Variants in SYT1 observed in about 807,000 individuals in gnomAD.
SYT1 encodes the protein synaptotagmin-1.
Under a neutral mutation model 44.8 loss-of-function variants are expected in SYT1, and 8 were observed. The ratio of observed to expected loss-of-function variants is 0.18; its 90% confidence interval spans 0.10 to 0.32. The LOEUF is 0.32. SYT1 is among the 10% of genes least tolerant of loss of function. The pLI, the probability that SYT1 is intolerant of heterozygous loss-of-function variation, is 1.00. For synonymous variants in SYT1, 154 were observed against 188.8 expected (o/e 0.82, Z 1.51); for missense variants, 286 against 509.3 (o/e 0.56, Z 4.22).
In SYT1 at chr12:79,178,929, T is replaced by G. The variant is rs56047959; in HGVS notation, c.-17-38574T>G. 1.2e-4 allele frequency among the ~76,000 whole-genome samples: 10 copies of G among 86,834 alleles called. 1 individual carries two copies. The East Asian group carries it at 1.9e-3, about 17-fold the overall frequency. The allele number at this position is 86,834 out of a possible 152,430, so 57.0% of individuals were successfully genotyped here. ...ACACCCAGATATAGATATAGATATA[T>G]CTATATAGATATAGATATAGATATA... On this transcript the variant is annotated intron_variant, in intron 3 of 10. Transcript: ENST00000261205.
chr12:78,958,252 AT>A (rs1192873860), intron 1 of SYT1, among the ~76,000 whole-genome samples: 2 of 152,302 alleles, frequency 1.3e-5, no homozygotes, highest in Non-Finnish European at 2.9e-5. Flanking sequence ...AACACTTCAA[AT>A]TTCTTTTTAA....
At chr12:78,869,182 C>T (rs970311366) in intron 1 of SYT1, among the ~76,000 whole-genome samples, 11 of 151,638 alleles carry the variant, frequency 7.3e-5, no homozygotes, top group Non-Finnish European at 3.0e-5. Context: ...TAAGTGTTTC[C>T]ATTTCCTTAA....
chr12:79,228,081 TTCCCTTTAGCCTACAC>T (rs1875634735), intron 4 of SYT1, among the ~76,000 whole-genome samples: 1 of 151,168 alleles, frequency 6.6e-6, no homozygotes, highest in Non-Finnish European at 1.5e-5. Context: ...CTCTCCTTCA[TTCCCTTTAGCCTACAC>T]ACATGCTCAA....
chr12:78,970,717 G>T (rs1868353343), intron 1 of SYT1, among the ~76,000 whole-genome samples: 1 of 152,006 alleles, frequency 6.6e-6, no homozygotes, highest in South Asian at 2.1e-4. Flanking sequence ...TATAAATCAG[G>T]TTTGCAGATC....
intron 9 of SYT1, among the ~76,000 whole-genome samples, chr12:79,364,540 T>A (rs1883460380): frequency 6.6e-6 from 1 of 152,184 alleles, no homozygotes; most frequent in African/African-American, 2.4e-5. Context: ...TTGCGGTACA[T>A]CATTTTCAAT....
intron 4 of SYT1, among the ~76,000 whole-genome samples, chr12:79,223,077 T>A (rs1000842297): frequency 6.6e-6 from 1 of 152,242 alleles, no homozygotes; most frequent in African/African-American, 2.4e-5. Flanking sequence ...TTATTTGGAA[T>A]TATTTGTCAG....
At chr12:78,950,451 G>A (rs773955775) in intron 1 of SYT1, among the ~76,000 whole-genome samples, 1 of 151,922 alleles carries the variant, frequency 6.6e-6, no homozygotes, top group Non-Finnish European at 1.5e-5. Flanking sequence ...TGATATGAGG[G>A]GACCAGTTTC....
chr12:79,247,497 A>C (rs184575872), intron 4 of SYT1, among the ~76,000 whole-genome samples: 29 of 152,322 alleles, frequency 1.9e-4, no homozygotes, highest in Admixed American at 1.8e-3. Context: ...ATTCTTCCTC[A>C]TGAGAGAAAC....
rs1555216036 is a variant in SYT1 at position 79,308,551 on chromosome 12, A to AG, written c.810+9000_810+9001insG. ...AAGAAATAAAGAAAGAAAGAAAGAA[A>AG]AAAGAAAGAAAGGAAAAGAAAGAAA... On this transcript the variant is annotated intron_variant, in intron 8 of 10. Transcript: ENST00000261205. 6.1e-3 allele frequency among the ~76,000 whole-genome samples: 901 copies of AG among 148,730 alleles called. 18 individuals carry two copies. The highest frequency in any genetic ancestry group is 0.022 in the African/African-American group (852 of 38,718).
chr12:79,028,721 T>A (rs1872668945), intron 2 of SYT1, among the ~76,000 whole-genome samples: 1 of 151,390 alleles, frequency 6.6e-6, no homozygotes, highest in South Asian at 2.1e-4. Context: ...CCTGTTTTTC[T>A]GGATGTGGTA....
In SYT1 at chr12:79,271,328, G is replaced by A. The variant is rs367602505; in HGVS notation, c.167-14459G>A. ...AAGAAATAATGACGTTTTTCCATCC[G>A]AGAGTTATATTTTTATTGTAGAAAG... On this transcript the variant is annotated intron_variant, in intron 4 of 10. Transcript: ENST00000261205. 2.3e-4 allele frequency among the ~76,000 whole-genome samples: 35 copies of A among 152,122 alleles called. 1 individual carries two copies. Among genetic ancestry groups the A allele is most frequent in the Middle Eastern group, 3.4e-3 (1 of 294 alleles).
In SYT1 at chr12:79,364,255, G is replaced by A. The variant is rs189106227; in HGVS notation, c.928+10636G>A. Among the ~76,000 whole-genome samples the A allele has an allele frequency of 4.3e-3, 575 of 134,140 alleles. 3 individuals carry two copies. The highest frequency in any genetic ancestry group is 0.016 in the African/African-American group (547 of 34,872). 88.0% of individuals were successfully genotyped at this position (134,140 alleles called of 152,430 possible). A position where few individuals can be genotyped will look rare whatever the true frequency, so the allele number is the denominator to read the frequency against. On this transcript the variant is annotated intron_variant, in intron 9 of 10. Coordinates refer to ENST00000261205, the MANE Select transcript of SYT1 (RefSeq NM_005639.3). ...TCCCCACCCCCTTTAATGGTTAAAC[G>A]AAAGAAAAACAGACTATCTCCAAGA...
At chr12:79,216,929 G>A (rs1375271452) in intron 3 of SYT1, among the ~76,000 whole-genome samples, 4 of 151,974 alleles carry the variant, frequency 2.6e-5, no homozygotes, top group African/African-American at 9.7e-5. Flanking sequence ...AGTGACTGGG[G>A]TGAAAACTTA....
chr12:79,298,113 C>T (rs1029651869), intron 7 of SYT1, among the ~76,000 whole-genome samples: 4 of 152,066 alleles, frequency 2.6e-5, no homozygotes, highest in African/African-American at 9.7e-5. Flanking sequence ...GTCTGTCTGA[C>T]CCCAAGTCCA....
At chr12:78,965,486 C>G (rs1453406061) in intron 1 of SYT1, among the ~76,000 whole-genome samples, 1 of 152,172 alleles carries the variant, frequency 6.6e-6, no homozygotes, top group Non-Finnish European at 1.5e-5. Context: ...AAGTTCAAAT[C>G]AAATACATGT....
chr12:78,898,861 A>C (rs540565405), intron 1 of SYT1, among the ~76,000 whole-genome samples: 6 of 152,268 alleles, frequency 3.9e-5, no homozygotes, highest in African/African-American at 1.4e-4. Flanking sequence ...GTGCATTTGA[A>C]ATGGATACTT....
Position 79,292,016 on chromosome 12 carries a change from G to A in SYT1, c.360G>A (p.Lys120=). Residue 120 remains lysine, a synonymous_variant, in exon 6 of 11, where the codon AAG becomes AAA. Transcript: ENST00000261205. ...CCTTTCTCTATACATAGGCCCTCAAGGATGATGATGCTGAAACTGGATTGA... is the reference window on the plus strand; with the variant it reads ...CCTTTCTCTATACATAGGCCCTCAAAGATGATGATGCTGAAACTGGATTGA... ...LGKTMKDQAL[K]DDDAETGLTD... The A allele has an allele frequency of 6.2e-7, 1 of 1,613,826 alleles. No homozygotes were observed. Among genetic ancestry groups the A allele is most frequent in the Non-Finnish European group, 8.5e-7 (1 of 1,179,984 alleles).
At chr12:78,962,001 C>T (rs1282891787) in intron 1 of SYT1, among the ~76,000 whole-genome samples, 1 of 151,970 alleles carries the variant, frequency 6.6e-6, no homozygotes, top group Non-Finnish European at 1.5e-5. Context: ...TGTATTGAGA[C>T]GAATGTATCG....
chr12:79,044,973 C>A (rs1873902430), intron 2 of SYT1, among the ~76,000 whole-genome samples: 1 of 152,204 alleles, frequency 6.6e-6, no homozygotes, highest in South Asian at 2.1e-4. Context: ...AGGCAGTCTG[C>A]CCGTTCTCAG....
Sources: gnomAD v4.1 joint callset for allele counts (sites outside exome capture counted in the v4.1 genomes callset) on GRCh38, gnomAD v4.1.1 for gene constraint, MANE v1.5 for transcripts, NCBI Gene and HGNC (gene_info 2026-07-23, HGNC 2026-07-21) for gene names.